STK36: variants seen among roughly 807,000 people sequenced by gnomAD.
STK36 encodes the protein serine/threonine kinase 36.
In STK36, 116 loss-of-function variants were observed where a neutral mutation model predicts 142.2. The observed-to-expected ratio is 0.82, with a 90% CI of 0.70 to 0.95. The LOEUF (loss-of-function observed/expected upper bound fraction) is 0.95, where lower values mean the gene tolerates loss of function less well. STK36 is among the 40% of genes least tolerant of loss of function. The pLI is 0.00. For synonymous variants in STK36, 619 were observed against 641.7 expected (o/e 0.96, Z 0.53); for missense variants, 1,422 against 1,617.2 (o/e 0.88, Z 2.07).
chr2:218,693,865 T>C, intron 18 of STK36, 30 bp from the exon 19 acceptor site: 4 of 1,614,012 alleles, frequency 2.5e-6, no homozygotes, highest in Non-Finnish European at 3.4e-6. Context: ...CAGCCAGAGG[T>C]TGTTCTGATA....
chr2:218,683,919 A>AT (rs1371820346), intron 10 of STK36, among the ~76,000 whole-genome samples: 2 of 146,246 alleles, frequency 1.4e-5, no homozygotes, highest in Non-Finnish European at 3.0e-5. Context: ...TGAACTCATC[A>AT]TTTTTTATGG....
intron 8 of STK36, 77 bp downstream of exon 8, chr2:218,679,806 G>A (rs1940428835): frequency 5.0e-6 from 8 of 1,608,082 alleles, no homozygotes; most frequent in Middle Eastern, 1.7e-4. Flanking sequence ...TGACTTTCTA[G>A]GGTTGGAGAA....
Position 218,697,026 on chromosome 2 carries a change from C to G in STK36, c.2587-13C>G. The G allele has an allele frequency of 6.2e-7, 1 of 1,613,312 alleles. No individual in the cohort carries two copies. Among genetic ancestry groups the G allele is most frequent in the Non-Finnish European group, 8.5e-7 (1 of 1,179,590 alleles). ...CTGTCTTTCCCCCCGCCCTCTTTCACTTTTATCTCTAGCAGGGGAAGGCTA... is the reference window on the plus strand; with the variant it reads ...CTGTCTTTCCCCCCGCCCTCTTTCAGTTTTATCTCTAGCAGGGGAAGGCTA... On this transcript the variant is annotated splice_polypyrimidine_tract_variant and intron_variant, in intron 22 of 26. Coordinates refer to ENST00000295709, the MANE Select transcript of STK36 (RefSeq NM_015690.5).
In STK36 at chr2:218,680,002, T is replaced by G; in HGVS notation, c.1058T>G (p.Leu353Arg). ...RLGATPQESS[L>R]LAGILASELK... Reference sequence around the variant, plus strand: ...GGGGCCACTCCTCAGGAATCAAGCCTCCTGGCCGGGATCTTAGCCTCAGAA... The same window carrying G: ...GGGGCCACTCCTCAGGAATCAAGCCGCCTGGCCGGGATCTTAGCCTCAGAA... Residue 353 changes from leucine to arginine, a missense_variant, in exon 9 of 27, where the codon CTC becomes CGC. Coordinates refer to ENST00000295709, the MANE Select transcript of STK36 (RefSeq NM_015690.5). 1 of 1,614,116 alleles carries G rather than the reference T, an allele frequency of 6.2e-7. No homozygotes were observed. The highest frequency in any genetic ancestry group is 8.5e-7 in the Non-Finnish European group (1 of 1,180,014).
rs762071527 is a variant in STK36 at position 218,693,925 on chromosome 2, G to A, written c.2278G>A (p.Glu760Lys). 7.4e-6 allele frequency: 12 copies of A among 1,614,260 alleles called. No individual in the cohort carries two copies. The highest frequency in any genetic ancestry group is 5.5e-5 in the South Asian group (5 of 91,084). Residue 760 changes from glutamate to lysine, a missense_variant, in exon 19 of 27, where the codon GAA (glutamate) becomes AAA (lysine). This residue lies in a region of STK36 where 962 missense variants were observed against 1,167.5 expected (regional missense o/e 0.82). Transcript: ENST00000295709. ...AGTAGTAGATTGGGAAGAGTCTACT[G>A]AAGTGACACTCTACTTCCTCTCCCT... Reference protein sequence around the residue: ...VKVVDWEESTEVTLYFLSLLV... With the variant: ...VKVVDWEESTKVTLYFLSLLV...
At position 218,675,520 on chromosome 2, in the gene STK36, C is replaced by CT. The variant is rs33970984; in HGVS notation, c.434+68dup. 0.061 allele frequency: 68,424 copies of CT among 1,130,330 alleles called. 4 individuals carry two copies. Among genetic ancestry groups the CT allele is most frequent in the South Asian group, 0.067 (3,985 of 59,628 alleles). The allele number at this position is 1,130,330 out of a possible 1,614,324, so 70.0% of individuals were successfully genotyped here. A position where few individuals can be genotyped will look rare whatever the true frequency, so the allele number is the denominator to read the frequency against. ...CTAAGCTTCCAGTTCCACACGGAAT[C>CT]TTTTTTTTTTTTTTTTTTTTTGAGA... On this transcript the variant is annotated intron_variant, in intron 5 of 26. Transcript: ENST00000295709.
intron 11 of STK36, 199 bp from the exon 12 acceptor site, chr2:218,688,498 C>T: frequency 1.6e-6 from 1 of 644,414 alleles, no homozygotes. Context: ...TGTTAGGTAA[C>T]CTGACCATCT....
chr2:218,678,654 C>T (rs1348705014), intron 6 of STK36, among the ~76,000 whole-genome samples: 1 of 152,210 alleles, frequency 6.6e-6, no homozygotes, highest in African/African-American at 2.4e-5. Flanking sequence ...TATCTCTCCA[C>T]CTCTGAAGAC....
chr2:218,697,211 A>C lies in STK36; in HGVS notation c.2759A>C (p.Gln920Pro). 6.2e-7 allele frequency: 1 copy of C among 1,611,522 alleles called. No homozygotes were observed. The highest frequency in any genetic ancestry group is 1.7e-5 in the Admixed American group (1 of 59,376). Residue 920 changes from glutamine (Q) to proline (P), a missense_variant and splice_region_variant, in exon 23 of 27, where the codon CAG becomes CCG. Physicochemically the swap from Gln to Pro is moderately conservative, Grantham distance 76 (BLOSUM62 -1). Around this residue, in one of 2 missense-constraint regions of STK36, gnomAD observed 962 missense variants for 1,167.5 expected, o/e 0.82. Coordinates refer to ENST00000295709, the MANE Select transcript of STK36 (RefSeq NM_015690.5). Reference sequence around the variant, plus strand: ...CCAGACTGGACACTGATTTCTCCCCAGGGTATCTTTCTATCAGTATCCTTT... The same window carrying C: ...CCAGACTGGACACTGATTTCTCCCCCGGGTATCTTTCTATCAGTATCCTTT... ...PEPDWTLISP[Q>P]GMAALLSLAM...
In STK36 at chr2:218,679,876, C is replaced by A. The variant is rs762477576; in HGVS notation, c.949-17C>A. On this transcript the variant is annotated splice_polypyrimidine_tract_variant and intron_variant, in intron 8 of 26. Coordinates refer to ENST00000295709, the MANE Select transcript of STK36 (RefSeq NM_015690.5). The stretch of plus-strand genomic sequence containing the variant: ...ATCAAATAGCTCTGATTCAGTGTTG[C>A]CCCCTACCTCCCACAGAAACATCAG... The A allele has an allele frequency of 1.2e-6, 2 of 1,610,536 alleles. No homozygotes were observed. The highest frequency in any genetic ancestry group is 2.2e-5 in the South Asian group (2 of 90,736).
rs55996799 is a variant in STK36, at chr2:218,693,470, C to G, written c.2148+126C>G. ...AGACTGAGAGAGACCATTTGAGACA[C>G]CCCCTTGGAAGACTCCTTTCTGCTT... is the stretch of plus-strand genomic sequence containing the variant. On this transcript the variant is annotated intron_variant, in intron 17 of 26. Coordinates refer to ENST00000295709, the MANE Select transcript of STK36 (RefSeq NM_015690.5). 310,622 of 930,532 alleles carry G rather than the reference C, an allele frequency of 0.33. 58,432 individuals carry two copies. The highest frequency in any genetic ancestry group is 0.38 in the Non-Finnish European group (234,642 of 620,502). 57.6% of individuals were successfully genotyped at this position (930,532 alleles called of 1,614,324 possible). A position where few individuals can be genotyped will look rare whatever the true frequency, so the allele number is the denominator to read the frequency against.
At chr2:218,698,241 A>G (rs1366362510) in intron 25 of STK36, among the ~76,000 whole-genome samples, 1 of 152,126 alleles carries the variant, frequency 6.6e-6, no homozygotes, top group East Asian at 1.9e-4. Flanking sequence ...GTTGGTGCTC[A>G]TTGGGGAGAA....
Position 218,697,132 on chromosome 2 carries a change from G to C in STK36, c.2680G>C (p.Glu894Gln). ...RFSMVLRLPE[E>Q]ASAQEGELSL... ...CTCCATGGTCCTGAGGCTCCCCGAGGAGGCATCTGCACAGGAAGGGGAGCT... is the reference window on the plus strand; with the variant it reads ...CTCCATGGTCCTGAGGCTCCCCGAGCAGGCATCTGCACAGGAAGGGGAGCT... Residue 894 changes from glutamate (E) to glutamine (Q), a missense_variant, in exon 23 of 27, where the codon GAG becomes CAG. By Grantham distance (29) the Glu-to-Gln change is conservative (BLOSUM62 2). Transcript: ENST00000295709. 6.2e-7 allele frequency: 1 copy of C among 1,614,170 alleles called. No individual in the cohort carries two copies. The highest frequency in any genetic ancestry group is 2.2e-5 in the East Asian group (1 of 44,886).
Position 218,698,736 on chromosome 2 carries a change from G to T in STK36, c.3192G>T (p.Ser1064=). Residue 1064 remains serine, a synonymous_variant, in exon 26 of 27, where the codon TCG becomes TCT. Transcript: ENST00000295709. ...TVSASPRTIV[S]FLSVALLSDQ... ...CTGCCTCCCCTAGAACCATCGTCTC[G>T]TTTCTCTCAGTTGCCCTCCTGAGTG... The T allele has an allele frequency of 6.2e-7, 1 of 1,614,096 alleles. No homozygotes were observed.
At chr2:218,689,720 C>G (rs1004847705) in intron 12 of STK36, 139 bp from the exon 13 acceptor site, 2 of 685,754 alleles carry the variant, frequency 2.9e-6, no homozygotes, top group East Asian at 2.7e-5. Context: ...CTAGAACTCT[C>G]TCTCTGCCTA....
intron 10 of STK36, chr2:218,684,823 A>T: frequency 2.8e-6 from 1 of 353,848 alleles, no homozygotes; most frequent in African/African-American, 2.1e-5. Context: ...TTTTAAAATT[A>T]TTACAAACCA....
At position 218,676,046 on chromosome 2, in the gene STK36, G is replaced by T; in HGVS notation, c.452G>T (p.Ser151Ile). 1.9e-6 allele frequency: 3 copies of T among 1,614,000 alleles called. No homozygotes were observed. In the South Asian group the frequency reaches 3.3e-5, roughly 18 times the overall value. The change falls in exon 6 of 27, where the codon AGC becomes ATC. Residue 151 changes from serine to isoleucine, a missense_variant. Ser to Ile is a moderately radical substitution (Grantham distance 142). Around this residue, in one of 2 missense-constraint regions of STK36, gnomAD observed 460 missense variants for 449.6 expected, o/e 1.02. Coordinates refer to ENST00000295709, the MANE Select transcript of STK36 (RefSeq NM_015690.5). ...LCDFGFARAM[S>I]TNTMVLTSIK... is the part of the protein sequence containing the mutation. The stretch of plus-strand genomic sequence containing the variant: ...TTCTGCAGATTTGCCCGGGCTATGA[G>T]CACCAATACAATGGTGCTGACATCC...
chr2:218,693,777 G>A lies in STK36; in HGVS notation c.2203G>A (p.Glu735Lys), dbSNP rs1201427492. The A allele has an allele frequency of 6.2e-7, 1 of 1,614,126 alleles. No homozygotes were observed. The highest frequency in any genetic ancestry group is 8.5e-7 in the Non-Finnish European group (1 of 1,180,040). The change falls in exon 18 of 27, where the codon GAG (glutamate) becomes AAG (lysine). Residue 735 changes from glutamate to lysine, a missense_variant. By Grantham distance (56) the Glu-to-Lys change is moderately conservative (BLOSUM62 1). Around this residue, in one of 2 missense-constraint regions of STK36, gnomAD observed 962 missense variants for 1,167.5 expected, o/e 0.82. Transcript: ENST00000295709. ...SEGLCRLLGQ[E>K]PLALESLFML... Reference sequence around the variant, plus strand: ...GGGCCTGTGCCGTCTTCTGGGGCAGGAGCCCCTGGCCTTGGAATCCCTGTT... The same window carrying A: ...GGGCCTGTGCCGTCTTCTGGGGCAGAAGCCCCTGGCCTTGGAATCCCTGTT...
rs1940008890 is a variant in STK36 at position 218,672,182 on chromosome 2, T to C, written c.-123T>C. On this transcript the variant is annotated 5_prime_UTR_variant, in exon 1 of 27. Transcript: ENST00000295709. ...TCCACACCTCTGAGCGCCTTTGTCC[T>C]CTGAACTTCTCACCAGTTCTAGCGA... The C allele has an allele frequency of 3.3e-6, 2 of 598,690 alleles. No homozygotes were observed. The highest frequency in any genetic ancestry group is 5.9e-6 in the Non-Finnish European group (2 of 336,712). The allele number at this position is 598,690 out of a possible 1,614,324, so 37.1% of individuals were successfully genotyped here.
Sources: allele counts gnomAD v4.1 joint callset (sites outside exome capture counted in the v4.1 genomes callset), GRCh38; gene constraint gnomAD v4.1.1; regional missense constraint gnomAD v4.1.1; transcripts MANE v1.5; gene names NCBI Gene and HGNC (gene_info 2026-07-23, HGNC 2026-07-21).